The following BTG4 variants were observed in gnomAD, a reference collection of about 807,000 sequenced individuals.
BTG4 encodes the protein protein BTG4.
Under a neutral mutation model 19.3 loss-of-function variants are expected in BTG4, and 10 were observed. That is an observed-to-expected ratio of 0.52 (90% CI 0.32 to 0.88). The LOEUF (loss-of-function observed/expected upper bound fraction) is 0.88. BTG4 is among the 40% of genes least tolerant of loss of function. BTG4 has a pLI of 0.04. For synonymous variants in BTG4, 91 were observed against 95.7 expected (o/e 0.95, Z 0.29); for missense variants, 238 against 281.9 (o/e 0.84, Z 1.11).
At chr11:111,476,917 A>G (rs1332114094) in intron 5 of BTG4, among the ~76,000 whole-genome samples, 1 of 152,214 alleles carries the variant, frequency 6.6e-6, no homozygotes, top group Non-Finnish European at 1.5e-5. Context: ...AGCTACCCAC[A>G]TAAATTATGA....
intron 5 of BTG4, among the ~76,000 whole-genome samples, chr11:111,479,803 T>C (rs945484091): frequency 3.9e-5 from 6 of 152,086 alleles, no homozygotes; most frequent in Non-Finnish European, 8.8e-5. Context: ...GCAAGTTACA[T>C]ACATATAATG....
intron 3 of BTG4, among the ~76,000 whole-genome samples, 158 bp downstream of exon 3, chr11:111,497,840 G>T (rs901548846): frequency 3.9e-5 from 6 of 152,182 alleles, no homozygotes; most frequent in Non-Finnish European, 7.3e-5. Flanking sequence ...ATAGAAGTCT[G>T]CATTGTCTAA....
the BTG4 span, among the ~76,000 whole-genome samples, chr11:111,445,373 A>G: frequency 6.6e-6 from 1 of 151,476 alleles, no homozygotes; most frequent in South Asian, 2.1e-4. Context: ...CTATACCTCC[A>G]CTCCTATTGT....
chr11:111,472,811 G>C (rs1020525655), intron 5 of BTG4, among the ~76,000 whole-genome samples: 1 of 152,178 alleles, frequency 6.6e-6, no homozygotes, highest in Non-Finnish European at 1.5e-5. Flanking sequence ...TAGGCCATGT[G>C]CCAGGCTCAC....
chr11:111,419,756 G>GA, the BTG4 span, among the ~76,000 whole-genome samples: 28 of 152,262 alleles, frequency 1.8e-4, no homozygotes, highest in Admixed American at 1.8e-3. Flanking sequence ...CAGAGAGAGA[G>GA]GCCTGGCAGC....
At chr11:111,432,393 C>A in the BTG4 span, among the ~76,000 whole-genome samples, 804 of 152,276 alleles carry the variant, frequency 5.3e-3, 9 homozygotes, top group African/African-American at 0.017. Flanking sequence ...CCTGTAATCC[C>A]AACACTTTGG....
At chr11:111,439,078 C>T in the BTG4 span, among the ~76,000 whole-genome samples, 1,021 of 152,350 alleles carry the variant, frequency 6.7e-3, 9 homozygotes, top group East Asian at 0.037. Flanking sequence ...AGCTAAGCCT[C>T]TGCGGTTGGG....
At chr11:111,442,721 C>G in the BTG4 span, among the ~76,000 whole-genome samples, 1 of 147,872 alleles carries the variant, frequency 6.8e-6, no homozygotes, top group Non-Finnish European at 1.5e-5. Context: ...AAAAAAAAAA[C>G]TCTCTATCTA....
the BTG4 span, among the ~76,000 whole-genome samples, chr11:111,434,600 T>A: frequency 6.7e-6 from 1 of 148,926 alleles, no homozygotes. Flanking sequence ...CACTATACTT[T>A]AAAAAAAAAG....
chr11:111,511,299 G>T (rs1866891512), intron 1 of BTG4, among the ~76,000 whole-genome samples: 1 of 152,228 alleles, frequency 6.6e-6, no homozygotes, highest in African/African-American at 2.4e-5. Context: ...AAAAAGTGCT[G>T]TCTTTCATAT....
the BTG4 span, chr11:111,458,369 G>C: frequency 2.6e-5 from 4 of 152,316 alleles, no homozygotes; most frequent in African/African-American, 9.7e-5. Context: ...CAAGGGAAGA[G>C]AGAAGGAACT....
chr11:111,455,154 G>T, the BTG4 span: 1 of 439,894 alleles, frequency 2.3e-6, no homozygotes, highest in South Asian at 1.6e-5. Context: ...CCCTCACTGA[G>T]GTCCAGGCTC....
chr11:111,501,444 T>G (rs899762972), intron 1 of BTG4, among the ~76,000 whole-genome samples: 13 of 152,208 alleles, frequency 8.5e-5, no homozygotes, highest in Non-Finnish European at 1.9e-4. Context: ...GTGCTGGCTA[T>G]TGTAATGTCT....
At chr11:111,395,560 G>C in the BTG4 span, among the ~76,000 whole-genome samples, 1 of 152,260 alleles carries the variant, frequency 6.6e-6, no homozygotes, top group African/African-American at 2.4e-5. Context: ...AAAAGAGTAT[G>C]TTATGAAAAG....
chr11:111,501,364 C>G (rs1180875579), intron 1 of BTG4, among the ~76,000 whole-genome samples: 2 of 151,904 alleles, frequency 1.3e-5, no homozygotes, highest in African/African-American at 4.8e-5. Context: ...GAGCAAAGAC[C>G]CTCTCTCAAA....
chr11:111,498,870 G>A (rs976799428), intron 1 of BTG4, 68 bp from the exon 2 acceptor site: 1 of 1,141,098 alleles, frequency 8.8e-7, no homozygotes, highest in Non-Finnish European at 1.2e-6. Context: ...ATATTTAACT[G>A]CCATTTGGAA....
intron 4 of BTG4, 72 bp from the exon 5 acceptor site, chr11:111,495,386 GT>G: frequency 7.5e-7 from 1 of 1,331,056 alleles, no homozygotes; most frequent in Middle Eastern, 1.8e-4. Flanking sequence ...TAATTCAAAA[GT>G]CAGGCACTTC....
the BTG4 span, among the ~76,000 whole-genome samples, chr11:111,435,977 A>G: frequency 6.6e-6 from 1 of 152,208 alleles, no homozygotes; most frequent in Non-Finnish European, 1.5e-5. Flanking sequence ...GCATGTCACA[A>G]AGCCAGAAGC....
At chr11:111,468,026 T>G (rs1863822436) in intron 5 of BTG4, among the ~76,000 whole-genome samples, 1 of 152,202 alleles carries the variant, frequency 6.6e-6, no homozygotes, top group Non-Finnish European at 1.5e-5. Flanking sequence ...TGGCAGTTCT[T>G]CAGATATGTA....
Sources: allele counts gnomAD v4.1 joint callset (sites outside exome capture counted in the v4.1 genomes callset), GRCh38; gene constraint gnomAD v4.1.1; transcripts MANE v1.5; gene names NCBI Gene and HGNC (gene_info 2026-07-23, HGNC 2026-07-21).